The following ZNF438 variants were observed in gnomAD, a reference collection of about 807,000 sequenced individuals.
ZNF438 encodes the protein zinc finger protein 438.
In ZNF438, 25 loss-of-function variants were observed where a neutral mutation model predicts 38.0. The ratio of observed to expected loss-of-function variants is 0.66; its 90% CI spans 0.48 to 0.92. The LOEUF is 0.92. Ranked by LOEUF, ZNF438 falls within the 40% of genes least tolerant of loss-of-function variation. ZNF438 has a pLI of 0.00. For missense variants in ZNF438, 1,007 were observed against 999.6 expected (o/e 1.01, Z -0.10); for synonymous variants, 372 against 364.1 (o/e 1.02, Z -0.25).
intron 1 of ZNF438, among the ~76,000 whole-genome samples, chr10:30,978,759 C>T (rs1440163198): frequency 6.6e-6 from 1 of 152,110 alleles, no homozygotes; most frequent in Non-Finnish European, 1.5e-5. Flanking sequence ...GCTTATTTTA[C>T]TCAGTATAAT....
intron 3 of ZNF438, among the ~76,000 whole-genome samples, chr10:30,893,281 T>C (rs1388036762): frequency 6.6e-6 from 1 of 152,200 alleles, no homozygotes; most frequent in Non-Finnish European, 1.5e-5. Context: ...ATATAAACAA[T>C]GAAAACCAAG....
intron 1 of ZNF438, among the ~76,000 whole-genome samples, chr10:30,953,740 G>A (rs1164108588): frequency 6.6e-6 from 1 of 151,826 alleles, no homozygotes; most frequent in Non-Finnish European, 1.5e-5. Context: ...GACTTAAGAA[G>A]ACTGTTAGTG....
intron 1 of ZNF438, among the ~76,000 whole-genome samples, chr10:30,965,836 A>G (rs2050054883): frequency 1.3e-5 from 2 of 152,194 alleles, no homozygotes; most frequent in Non-Finnish European, 2.9e-5. Flanking sequence ...AGGTGACAGG[A>G]TCATCCATAA....
intron 2 of ZNF438, among the ~76,000 whole-genome samples, chr10:30,941,059 C>CATTTTATTTTATTTT (rs58041161): frequency 0.19 from 28,120 of 150,268 alleles, 3,502 homozygotes; most frequent in Middle Eastern, 0.29. Context: ...TAAAACTGAA[C>CATTTTATTTTATTTT]ATTTTATTTT....
At chr10:30,951,261 AGCT>A (rs2048158130) in intron 1 of ZNF438, among the ~76,000 whole-genome samples, 2 of 151,062 alleles carry the variant, frequency 1.3e-5, no homozygotes, top group Admixed American at 1.3e-4. Flanking sequence ...AAATAATAAG[AGCT>A]ATCTATGACA....
chr10:30,875,757 C>G (rs1293893920), intron 4 of ZNF438, among the ~76,000 whole-genome samples: 1 of 152,204 alleles, frequency 6.6e-6, no homozygotes, highest in Non-Finnish European at 1.5e-5. Context: ...TCAAACCAAG[C>G]GGTCTAATTC....
chr10:30,870,387 T>C lies in ZNF438; in HGVS notation c.37+6611A>G, dbSNP rs1157878105. The stretch of plus-strand genomic sequence containing the variant: ...TGCCTTCTTCTTTCAGCTCTCATAC[T>C]GTAAACACGCATCCTTTTTACATTT... On this transcript the variant is annotated intron_variant, in intron 4 of 5. Coordinates refer to ENST00000413025, the Ensembl canonical transcript of ZNF438. 3.3e-5 allele frequency among the ~76,000 whole-genome samples: 5 copies of C among 151,992 alleles called. 1 individual carries two copies. Among genetic ancestry groups the C allele is most frequent in the Non-Finnish European group, 5.9e-5 (4 of 68,008 alleles).
intron 4 of ZNF438, chr10:30,857,790 C>T (rs1377110853): frequency 1.4e-6 from 2 of 1,396,962 alleles, no homozygotes; most frequent in Non-Finnish European, 1.9e-6. Context: ...TGATGGATAT[C>T]ATTTACATGT....
At chr10:30,951,798 C>T (rs916405306) in intron 1 of ZNF438, among the ~76,000 whole-genome samples, 17 of 149,070 alleles carry the variant, frequency 1.1e-4, no homozygotes, top group African/African-American at 4.9e-5. Context: ...TAGGAAGAAT[C>T]AATACCATGA....
chr10:30,948,536 A>T (rs2047736465), intron 1 of ZNF438, among the ~76,000 whole-genome samples: 1 of 151,858 alleles, frequency 6.6e-6, no homozygotes, highest in Non-Finnish European at 1.5e-5. Flanking sequence ...TAGAATAACC[A>T]ATACAGAGAA....
chr10:31,016,843 C>A (rs140261477), intron 1 of ZNF438, among the ~76,000 whole-genome samples: 2 of 152,276 alleles, frequency 1.3e-5, no homozygotes, highest in African/African-American at 4.8e-5. Flanking sequence ...TAGCTAAATA[C>A]GTACCAAAGG....
At chr10:30,897,464 C>T (rs2134165631) in intron 3 of ZNF438, among the ~76,000 whole-genome samples, 1 of 152,298 alleles carries the variant, frequency 6.6e-6, no homozygotes, top group East Asian at 1.9e-4. Context: ...TGCTATAGAG[C>T]AAGTGCTTCA....
At chr10:30,931,468 T>G (rs1214794302) in intron 2 of ZNF438, among the ~76,000 whole-genome samples, 4 of 152,236 alleles carry the variant, frequency 2.6e-5, no homozygotes, top group African/African-American at 9.6e-5. Context: ...TTCCAATTAC[T>G]AATACTTGAA....
At chr10:30,957,465 A>G (rs1472837554) in intron 1 of ZNF438, among the ~76,000 whole-genome samples, 1 of 152,164 alleles carries the variant, frequency 6.6e-6, no homozygotes, top group Non-Finnish European at 1.5e-5. Context: ...CCTTATCTAG[A>G]CCAATGTCAT....
intron 2 of ZNF438, among the ~76,000 whole-genome samples, chr10:30,921,603 T>C (rs1211529302): frequency 1.3e-5 from 2 of 152,222 alleles, no homozygotes; most frequent in African/African-American, 4.8e-5. Context: ...TAGATTCAAG[T>C]TGTCACTTAT....
chr10:30,987,461 A>G (rs1589595764), intron 1 of ZNF438, among the ~76,000 whole-genome samples: 1 of 152,188 alleles, frequency 6.6e-6, no homozygotes, highest in South Asian at 2.1e-4. Context: ...AATCATCAAC[A>G]TAACGGATGA....
At chr10:30,879,401 A>G (rs143250238) in intron 3 of ZNF438, among the ~76,000 whole-genome samples, 1 of 152,374 alleles carries the variant, frequency 6.6e-6, no homozygotes, top group Non-Finnish European at 1.5e-5. Flanking sequence ...CAAAATATTT[A>G]TAGAAATACA....
intron 4 of ZNF438, among the ~76,000 whole-genome samples, chr10:30,876,031 T>C (rs971407791): frequency 1.3e-5 from 2 of 152,178 alleles, no homozygotes; most frequent in African/African-American, 4.8e-5. Flanking sequence ...TTATCTTCAT[T>C]TTATAGATTT....
intron 1 of ZNF438, among the ~76,000 whole-genome samples, chr10:30,977,935 T>A (rs2051602502): frequency 6.7e-6 from 1 of 150,204 alleles, no homozygotes. Context: ...TGCACCGAGA[T>A]CGTGCCACTA....
Sources: allele counts gnomAD v4.1 joint callset (sites outside exome capture counted in the v4.1 genomes callset), GRCh38; gene constraint gnomAD v4.1.1; transcripts MANE v1.5; gene names NCBI Gene and HGNC (gene_info 2026-07-23, HGNC 2026-07-21).